Variants in HERC2 observed in about 807,000 individuals in gnomAD.
HERC2 encodes E3 ubiquitin-protein ligase HERC2.
HERC2 carries 102 observed loss-of-function variants against 537.7 expected under a neutral mutation model. The ratio of observed to expected loss-of-function variants is 0.19; its 90% CI spans 0.16 to 0.22. The LOEUF (loss-of-function observed/expected upper bound fraction) is 0.22, where lower values mean the gene tolerates loss of function less well. Ranked by LOEUF, HERC2 falls within the 10% of genes least tolerant of loss-of-function variation. The pLI is 1.00. For synonymous variants in HERC2, 2,224 were observed against 2,466.2 expected (o/e 0.90, Z 2.91); for missense variants, 4,236 against 6,198.2 (o/e 0.68, Z 10.63).
rs185577121 is a variant in HERC2, at chr15:28,138,417, C to T, written c.12016-2725G>A. The stretch of plus-strand genomic sequence containing the variant: ...AGCTGATGACTATATTAGTTGAATT[C>T]ATTGAAGTCAATGCTCATTGACCAT... On this transcript the variant is annotated intron_variant, in intron 78 of 92. Transcript: ENST00000261609. Among the ~76,000 whole-genome samples the T allele has an allele frequency of 2.3e-4, 35 of 152,322 alleles. 1 individual carries two copies. In the East Asian group the frequency reaches 6.7e-3, roughly 29 times the overall value.
At position 28,142,935 on chromosome 15, in the gene HERC2, A is replaced by G; in HGVS notation, c.11436T>C (p.Ala3812=). The G allele has an allele frequency of 6.2e-7, 1 of 1,607,924 alleles. No homozygotes were observed. Among genetic ancestry groups the G allele is most frequent in the Non-Finnish European group, 8.5e-7 (1 of 1,177,156 alleles). The part of the protein sequence containing the change: ...ETRALSFTGS[A]LAALVKGLPE... ...GAAGACCTTTCACCAAAGCAGCAAGAGCACTACCTGTAAAACTCTAAGAAA... is the reference window on the plus strand; with the variant it reads ...GAAGACCTTTCACCAAAGCAGCAAGGGCACTACCTGTAAAACTCTAAGAAA... Residue 3812 remains alanine, a synonymous_variant, in exon 75 of 93, where the codon GCT becomes GCC. Transcript: ENST00000261609.
At chr15:28,183,803 A>C (rs1224038907) in intron 56 of HERC2, among the ~76,000 whole-genome samples, 2 of 152,226 alleles carry the variant, frequency 1.3e-5, no homozygotes, top group African/African-American at 4.8e-5. Flanking sequence ...TTTGGAATAA[A>C]AGTGGAAAAC....
rs189638547 is a variant in HERC2, at chr15:28,188,475, T to C, written c.8650-1723A>G. Among the ~76,000 whole-genome samples the C allele has an allele frequency of 3.8e-3, 574 of 149,686 alleles. 3 individuals carry two copies. Among genetic ancestry groups the C allele is most frequent in the African/African-American group, 0.012 (473 of 40,360 alleles). On this transcript the variant is annotated intron_variant, in intron 55 of 92. Transcript: ENST00000261609. Reference sequence around the variant, plus strand: ...AGGAGAATGGAGTGAACCCGGGAGATAGAGCTTGCAGTGAGCCGGGATCAC... The same window carrying C: ...AGGAGAATGGAGTGAACCCGGGAGACAGAGCTTGCAGTGAGCCGGGATCAC...
At chr15:28,273,082 A>C (rs796527362) in intron 7 of HERC2, 78 bp from the exon 8 acceptor site, 13 of 974,216 alleles carry the variant, frequency 1.3e-5, no homozygotes, top group Non-Finnish European at 1.8e-5. Context: ...TAACACATTT[A>C]CTACACGCTC....
At chr15:28,133,852 C>T (rs934808967) in intron 79 of HERC2, among the ~76,000 whole-genome samples, 1 of 152,196 alleles carries the variant, frequency 6.6e-6, no homozygotes, top group African/African-American at 2.4e-5. Context: ...ATCTGTCTCT[C>T]TCTTTTTGCC....
intron 78 of HERC2, among the ~76,000 whole-genome samples, chr15:28,138,289 G>C (rs1173109254): frequency 6.6e-6 from 1 of 152,138 alleles, no homozygotes; most frequent in Non-Finnish European, 1.5e-5. Flanking sequence ...AACGTAGATG[G>C]AACAACCGTC....
chr15:28,270,680 T>C lies in HERC2; in HGVS notation c.1257+15A>G. The C allele has an allele frequency of 6.2e-7, 1 of 1,611,526 alleles. No homozygotes were observed. The highest frequency in any genetic ancestry group is 8.5e-7 in the Non-Finnish European group (1 of 1,178,142). ...GCTACAAAACACATGGAGAACACGG[T>C]TCTTGCACACACACCTTATGAGATG... On this transcript the variant is annotated intron_variant, in intron 10 of 92. Transcript: ENST00000261609.
At chr15:28,302,971 G>C (rs1567141562) in intron 2 of HERC2, among the ~76,000 whole-genome samples, 1 of 151,266 alleles carries the variant, frequency 6.6e-6, no homozygotes, top group Non-Finnish European at 1.5e-5. Context: ...TCTTCATTTT[G>C]TTGATTGTTT....
At chr15:28,255,816 T>A in intron 19 of HERC2, 56 bp downstream of exon 19, 1 of 1,553,172 alleles carries the variant, frequency 6.4e-7, no homozygotes. Context: ...CGTGTGTGAG[T>A]GTGGTATTTC....
chr15:28,237,560 ACT>A (rs1902595623), intron 25 of HERC2, among the ~76,000 whole-genome samples: 1 of 152,236 alleles, frequency 6.6e-6, no homozygotes, highest in African/African-American at 2.4e-5. Context: ...CAAAAATCAA[ACT>A]CTGAAAAAAG....
At chr15:28,129,890 C>CCT (rs1276662558) in intron 83 of HERC2, among the ~76,000 whole-genome samples, 1 of 151,572 alleles carries the variant, frequency 6.6e-6, no homozygotes, top group Non-Finnish European at 1.5e-5. Context: ...GATTCTCCTG[C>CCT]CTCAGCCTCT....
At chr15:28,168,901 G>A (rs1894420263) in intron 66 of HERC2, among the ~76,000 whole-genome samples, 2 of 152,230 alleles carry the variant, frequency 1.3e-5, no homozygotes, top group African/African-American at 2.4e-5. Flanking sequence ...TGCTGTGAGA[G>A]CCTGAGGGCT....
At chr15:28,184,340 G>A (rs1896100986) in intron 56 of HERC2, among the ~76,000 whole-genome samples, 1 of 152,164 alleles carries the variant, frequency 6.6e-6, no homozygotes, top group Non-Finnish European at 1.5e-5. Flanking sequence ...GCTGTACGTG[G>A]TCAGTGTGGG....
chr15:28,223,366 G>T (rs1010561807), intron 35 of HERC2, among the ~76,000 whole-genome samples: 2 of 152,124 alleles, frequency 1.3e-5, no homozygotes, highest in African/African-American at 4.8e-5. Flanking sequence ...CCCAAAGGTG[G>T]GCTTGGGCGG....
At chr15:28,217,634 C>T (rs148263834) in intron 38 of HERC2, among the ~76,000 whole-genome samples, 2 of 152,352 alleles carry the variant, frequency 1.3e-5, no homozygotes, top group East Asian at 1.9e-4. Context: ...CCCAACTTCA[C>T]ATACATTCGG....
intron 4 of HERC2, among the ~76,000 whole-genome samples, chr15:28,283,821 G>A (rs1411439028): frequency 1.3e-5 from 2 of 152,158 alleles, no homozygotes; most frequent in African/African-American, 4.8e-5. Flanking sequence ...CCTGAAGCTG[G>A]TAAATGACAA....
chr15:28,200,447 T>C (rs1184819894), intron 48 of HERC2, among the ~76,000 whole-genome samples: 1 of 151,694 alleles, frequency 6.6e-6, no homozygotes, highest in Non-Finnish European at 1.5e-5. Flanking sequence ...AAGAGGGCCA[T>C]CACCAGAAAC....
chr15:28,143,745 C>A (rs1436547094), intron 74 of HERC2, 128 bp downstream of exon 74: 1 of 1,249,168 alleles, frequency 8.0e-7, no homozygotes, highest in Admixed American at 2.0e-5. Flanking sequence ...CGCGCCCGGT[C>A]CAAGGCCTCC....
intron 69 of HERC2, among the ~76,000 whole-genome samples, 181 bp downstream of exon 69, chr15:28,162,913 G>A (rs1010345219): frequency 1.3e-5 from 2 of 152,148 alleles, no homozygotes; most frequent in Admixed American, 6.5e-5. Context: ...AACAGGTAAA[G>A]GATGTCACTG....
Sources: allele counts gnomAD v4.1 joint callset (sites outside exome capture counted in the v4.1 genomes callset), GRCh38; gene constraint gnomAD v4.1.1; transcripts MANE v1.5; gene names NCBI Gene and HGNC (gene_info 2026-07-23, HGNC 2026-07-21).